Variants in SATB1 observed in about 807,000 individuals in gnomAD.
SATB1 encodes the protein SATB homeobox 1, also known as DNA-binding protein SATB1.
Under a neutral mutation model 86.9 loss-of-function variants are expected in SATB1, and 11 were observed. The observed-to-expected ratio is 0.13, with a 90% confidence interval of 0.08 to 0.21. The LOEUF is 0.21. SATB1 is among the 10% of genes least tolerant of loss of function. The probability of loss-of-function intolerance (pLI) is 1.00; values close to 1 mark genes in which losing one functional copy is unlikely to be tolerated. For missense variants in SATB1, 551 were observed against 937.6 expected (o/e 0.59, Z 5.39); for synonymous variants, 357 against 357.2 (o/e 1.00, Z 0.01).
At chr3:18,357,667 G>A (rs1694715780) in intron 9 of SATB1, among the ~76,000 whole-genome samples, 1 of 150,698 alleles carries the variant, frequency 6.6e-6, no homozygotes, top group South Asian at 2.1e-4. Context: ...TTCACCTTTA[G>A]CATAAAGGTT....
In SATB1 at chr3:18,420,819, G is replaced by C. The variant is rs757354361; in HGVS notation, c.149C>G (p.Ala50Gly). 12 of 1,614,104 alleles carry C rather than the reference G, an allele frequency of 7.4e-6. No homozygotes were observed. Among genetic ancestry groups the C allele is most frequent in the Non-Finnish European group, 9.3e-6 (11 of 1,180,010 alleles). Residue 50 changes from alanine to glycine, a missense_variant, in exon 2 of 11, where the codon GCA becomes GGA. By Grantham distance (60) the Ala-to-Gly change is moderately conservative. Transcript: ENST00000338745. Reference protein sequence around the residue: ...LGRGRLGSTGAKMQGVPLKHS... With the variant: ...LGRGRLGSTGGKMQGVPLKHS... ...TTTTAAAGGCACTCCCTGCATTTTT[G>C]CACCTGTACTCCCAAGCCTTCCTCT...
intron 2 of SATB1, among the ~76,000 whole-genome samples, chr3:18,419,264 A>C (rs9843535): frequency 0.017 from 2,529 of 149,532 alleles, 70 homozygotes; most frequent in African/African-American, 0.059. Context: ...TCTGAACTGT[A>C]TGATTATTCG....
chr3:18,405,457 A>G (rs1697479092), intron 5 of SATB1, among the ~76,000 whole-genome samples: 2 of 152,058 alleles, frequency 1.3e-5, no homozygotes, highest in Non-Finnish European at 2.9e-5. Context: ...AGCGAAAACA[A>G]GAACTAAAGT....
chr3:18,432,327 C>T (rs1016209896), intron 2 of SATB1, among the ~76,000 whole-genome samples: 4 of 152,132 alleles, frequency 2.6e-5, no homozygotes, highest in African/African-American at 9.7e-5. Context: ...AACTTTTAAC[C>T]AAGATGTACA....
At chr3:18,366,504 A>G (rs1695195513) in intron 9 of SATB1, among the ~76,000 whole-genome samples, 1 of 152,190 alleles carries the variant, frequency 6.6e-6, no homozygotes, top group Admixed American at 6.5e-5. Flanking sequence ...ACCTTCAGGC[A>G]TCAATTGAAA....
chr3:18,434,874 A>T lies in SATB1; in HGVS notation c.-25+1915T>A, dbSNP rs528294641. ...GTGTCAAACAAACAAATAAAAAAAA[A>T]AAATAACCGCTAAGGCAAAGAGAAA... is the stretch of plus-strand genomic sequence containing the variant. On this transcript the variant is annotated intron_variant, in intron 2 of 3. Transcript: ENST00000414509. 73 of 152,252 alleles carry T rather than the reference A, an allele frequency of 4.8e-4. 1 individual carries two copies. The highest frequency in any genetic ancestry group is 1.7e-3 in the African/African-American group (70 of 41,574). The allele number at this position is 152,252 out of a possible 1,614,324, so 9.4% of individuals were successfully genotyped here.
chr3:18,444,529 T>G lies in SATB1; in HGVS notation c.-25+989A>C. The G allele has an allele frequency of 1.0e-6, 1 of 963,656 alleles. No individual in the cohort carries two copies. The highest frequency in any genetic ancestry group is 1.2e-6 in the Non-Finnish European group (1 of 810,428). 59.7% of individuals were successfully genotyped at this position (963,656 alleles called of 1,614,324 possible). Reference sequence around the variant, plus strand: ...GTGGGTGCTACGGAGAAGTTTGGATTGATTCCGGAAAAAGAGGGACAGAGA... The same window carrying G: ...GTGGGTGCTACGGAGAAGTTTGGATGGATTCCGGAAAAAGAGGGACAGAGA... On this transcript the variant is annotated intron_variant, in intron 1 of 3. Coordinates refer to the SATB1 transcript ENST00000415069. This position sits in a 1 kb window ranked among gnomAD's most constrained non-coding sequence, Gnocchi z 5.1.
intron 1 of SATB1, among the ~76,000 whole-genome samples, chr3:18,422,982 T>G (rs1238300064): frequency 1.3e-5 from 2 of 152,198 alleles, no homozygotes; most frequent in African/African-American, 4.8e-5. Context: ...TATTAAACAC[T>G]AAGTCGTGGT....
Position 18,374,926 on chromosome 3 carries a change from A to G in SATB1, c.1575+3244T>C, listed in dbSNP as rs377536854. 1.7e-4 allele frequency among the ~76,000 whole-genome samples: 26 copies of G among 152,318 alleles called. No homozygotes were observed. In the East Asian group the frequency reaches 2.1e-3, roughly 12 times the overall value. The stretch of plus-strand genomic sequence containing the variant: ...CATTGTAGCATGTGCCTTCTATGTT[A>G]AAAGAATCCTGGGCTCAAAAGTTAA... On this transcript the variant is annotated intron_variant, in intron 9 of 10. Coordinates refer to ENST00000338745, the MANE Select transcript of SATB1 (RefSeq NM_002971.6).
intron 7 of SATB1, among the ~76,000 whole-genome samples, chr3:18,390,943 C>G (rs1270644619): frequency 6.6e-6 from 1 of 152,016 alleles, no homozygotes; most frequent in Non-Finnish European, 1.5e-5. Flanking sequence ...TACTTTTAGC[C>G]ATAGGTTTCC....
intron 9 of SATB1, among the ~76,000 whole-genome samples, chr3:18,369,636 G>T (rs1029071139): frequency 2.7e-5 from 4 of 147,694 alleles, no homozygotes; most frequent in Admixed American, 6.7e-5. Flanking sequence ...CTGTCTAATC[G>T]CCTGTTATCA....
At position 18,403,691 on chromosome 3, in the gene SATB1, T is replaced by C. The variant is rs1203639513; in HGVS notation, c.640-6401A>G. Among the ~76,000 whole-genome samples, 3 of 152,220 alleles carry C rather than the reference T, an allele frequency of 2.0e-5. No homozygotes were observed. The East Asian group carries it at 5.8e-4, about 29-fold the overall frequency. ...TAACTTCTCAGTCTATGCATGGTGA[T>C]GTATAAAGCCCTACAGTTAATTTTC... On this transcript the variant is annotated intron_variant, in intron 5 of 10. Transcript: ENST00000338745.
Position 18,352,467 on chromosome 3 carries a change from T to C in SATB1, c.1576-272A>G, listed in dbSNP as rs1162801065. Reference sequence around the variant, plus strand: ...AGGGTAACAGAGCATTTATCACAGATTTTTTAATATATGAAATAGGAGAAA... The same window carrying C: ...AGGGTAACAGAGCATTTATCACAGACTTTTTAATATATGAAATAGGAGAAA... On this transcript the variant is annotated intron_variant, in intron 9 of 10. Transcript: ENST00000338745. The surrounding 1 kb of genome is among the most constrained non-coding windows in gnomAD (Gnocchi z 4.1). 5.4e-6 allele frequency: 2 copies of C among 373,426 alleles called. No individual in the cohort carries two copies. The highest frequency in any genetic ancestry group is 9.9e-6 in the Non-Finnish European group (2 of 202,578). The allele number at this position is 373,426 out of a possible 1,614,324, so 23.1% of individuals were successfully genotyped here.
Position 18,352,671 on chromosome 3 carries a change from G to A in SATB1, c.1576-476C>T. The A allele has an allele frequency of 5.8e-6, 1 of 170,972 alleles. No individual in the cohort carries two copies. The highest frequency in any genetic ancestry group is 1.4e-4 in the South Asian group (1 of 7,064). The allele number at this position is 170,972 out of a possible 1,614,324, so 10.6% of individuals were successfully genotyped here. Reference sequence around the variant, plus strand: ...GAAAACTGTGTGTGAATATTTATGTGTGTACATGTATGAAACAGAAAGGAC... The same window carrying A: ...GAAAACTGTGTGTGAATATTTATGTATGTACATGTATGAAACAGAAAGGAC... On this transcript the variant is annotated intron_variant, in intron 9 of 10. Coordinates refer to ENST00000338745, the MANE Select transcript of SATB1 (RefSeq NM_002971.6). The surrounding 1 kb of genome is among the most constrained non-coding windows in gnomAD (Gnocchi z 4.1).
intron 7 of SATB1, among the ~76,000 whole-genome samples, chr3:18,392,481 GAC>G (rs1045560714): frequency 2.5e-4 from 38 of 151,850 alleles, no homozygotes; most frequent in African/African-American, 9.2e-4. Flanking sequence ...CTATATAAAG[GAC>G]ACTTACTTAG....
At chr3:18,404,211 C>T (rs950323812) in intron 5 of SATB1, among the ~76,000 whole-genome samples, 1 of 152,028 alleles carries the variant, frequency 6.6e-6, no homozygotes, top group South Asian at 2.1e-4. Flanking sequence ...TTTATGACAG[C>T]GAATGGCAGG....
intron 8 of SATB1, among the ~76,000 whole-genome samples, chr3:18,382,142 A>G (rs922000720): frequency 2.6e-5 from 4 of 152,194 alleles, no homozygotes; most frequent in Non-Finnish European, 5.9e-5. Context: ...TAAAGAGACA[A>G]AATAGTGCAA....
upstream of SATB1, among the ~76,000 whole-genome samples, chr3:18,442,555 AC>A (rs1366791992): frequency 6.6e-6 from 1 of 152,208 alleles, no homozygotes; most frequent in Non-Finnish European, 1.5e-5. Context: ...TGCTACTGTT[AC>A]ATTTTATATA....
At chr3:18,422,110 G>C (rs1698427245) in intron 1 of SATB1, among the ~76,000 whole-genome samples, 1 of 152,114 alleles carries the variant, frequency 6.6e-6, no homozygotes, top group African/African-American at 2.4e-5. Flanking sequence ...TATGAACTTT[G>C]ATGGTATTTG....
Sources: gnomAD v4.1 joint callset for allele counts (sites outside exome capture counted in the v4.1 genomes callset) on GRCh38, gnomAD v4.1.1 for gene constraint, Gnocchi (gnomAD v3.1) non-coding constraint, MANE v1.5 for transcripts, NCBI Gene and HGNC (gene_info 2026-07-23, HGNC 2026-07-21) for gene names.